BABAM2: variants seen among roughly 807,000 people sequenced by gnomAD.
BABAM2 encodes the protein BRISC and BRCA1-A complex member 2.
A neutral mutation model predicts 54.7 loss-of-function variants in BABAM2; 31 were observed. The ratio of observed to expected loss-of-function variants is 0.57; its 90% confidence interval spans 0.43 to 0.77. BABAM2 has a LOEUF of 0.77. Among genes scored for constraint, BABAM2 ranks in the 30% least tolerant of loss-of-function variants. The pLI, the probability that BABAM2 is intolerant of heterozygous loss-of-function variation, is 0.00. For synonymous variants in BABAM2, 167 were observed against 162.9 expected, an observed-to-expected ratio of 1.03 and a Z score of -0.19; for missense variants, 364 against 455.8, an observed-to-expected ratio of 0.80 and a Z score of 1.83.
chr2:28,012,912 C>T (rs1256371017), intron 4 of BABAM2, among the ~76,000 whole-genome samples: 1 of 152,146 alleles, frequency 6.6e-6, no homozygotes, highest in Non-Finnish European at 1.5e-5. Flanking sequence ...CCACTTCTCT[C>T]CCACCTTTGT....
At chr2:28,236,403 G>A (rs952994253) in intron 7 of BABAM2, among the ~76,000 whole-genome samples, 1 of 140,832 alleles carries the variant, frequency 7.1e-6, no homozygotes, top group African/African-American at 2.7e-5. Flanking sequence ...TCACTGTATC[G>A]CCCGTGCTGG....
chr2:28,019,943 G>A (rs1045684462), intron 4 of BABAM2, among the ~76,000 whole-genome samples: 4 of 152,070 alleles, frequency 2.6e-5, no homozygotes, highest in South Asian at 2.1e-4. Context: ...CTCCAGATTT[G>A]TTCTTTTTGC....
intron 4 of BABAM2, among the ~76,000 whole-genome samples, chr2:28,009,258 G>C (rs1474185111): frequency 1.3e-5 from 2 of 152,086 alleles, no homozygotes; most frequent in East Asian, 3.9e-4. Flanking sequence ...ATCTGATACT[G>C]TGTCTTTTTA....
chr2:28,104,316 A>T (rs1255775956), intron 6 of BABAM2, among the ~76,000 whole-genome samples: 11 of 152,230 alleles, frequency 7.2e-5, no homozygotes. Flanking sequence ...TAATATCCAG[A>T]ATCTACAAAG....
intron 11 of BABAM2, among the ~76,000 whole-genome samples, chr2:28,333,657 C>T (rs1691161402): frequency 6.6e-6 from 1 of 152,220 alleles, no homozygotes; most frequent in South Asian, 2.1e-4. Flanking sequence ...GGGACTGAAC[C>T]TCATTTTGCC....
chr2:28,069,388 A>G (rs932843327), intron 6 of BABAM2, among the ~76,000 whole-genome samples: 1 of 152,238 alleles, frequency 6.6e-6, no homozygotes, highest in Non-Finnish European at 1.5e-5. Context: ...TTTACAGGCC[A>G]TACCCTATCT....
At chr2:28,195,703 A>T (rs1034135921) in intron 7 of BABAM2, among the ~76,000 whole-genome samples, 3 of 152,358 alleles carry the variant, frequency 2.0e-5, no homozygotes, top group South Asian at 2.1e-4. Flanking sequence ...GCCTGTCTTT[A>T]TAAAAGTGAC....
chr2:28,260,635 C>A (rs1480733294), intron 10 of BABAM2, among the ~76,000 whole-genome samples: 1 of 152,088 alleles, frequency 6.6e-6, no homozygotes, highest in African/African-American at 2.4e-5. Flanking sequence ...ATCATTTAGT[C>A]TTTTACATCC....
In BABAM2 at chr2:28,122,564, G is replaced by A. The variant is rs183711474; in HGVS notation, c.571-6707G>A. On this transcript the variant is annotated intron_variant, in intron 6 of 11. Coordinates refer to ENST00000379624, the MANE Select transcript of BABAM2 (RefSeq NM_199191.3). ...TGAGAAATACAATGGCTTTTTTACC[G>A]TCCTGTTACGTGACCTGTGATTTGC... Among the ~76,000 whole-genome samples the A allele has an allele frequency of 9.2e-5, 14 of 152,206 alleles. 1 individual carries two copies. The South Asian group carries it at 2.1e-3, about 23-fold the overall frequency.
intron 7 of BABAM2, among the ~76,000 whole-genome samples, chr2:28,236,055 C>T (rs1440471136): frequency 6.6e-6 from 1 of 151,996 alleles, no homozygotes; most frequent in African/African-American, 2.4e-5. Context: ...GGATAATAAT[C>T]CAACATTATA....
At chr2:27,931,337 A>T (rs1171723053) in intron 3 of BABAM2, among the ~76,000 whole-genome samples, 1 of 152,214 alleles carries the variant, frequency 6.6e-6, no homozygotes, top group African/African-American at 2.4e-5. Context: ...CTTCTCTCCC[A>T]GTCCAGTTTC....
chr2:28,225,290 G>T (rs1680783625), intron 7 of BABAM2, among the ~76,000 whole-genome samples: 1 of 152,172 alleles, frequency 6.6e-6, no homozygotes, highest in Admixed American at 6.5e-5. Flanking sequence ...TAACAAGGGT[G>T]GGCGCCAGGG....
At chr2:28,135,806 T>G (rs1446936671) in intron 7 of BABAM2, among the ~76,000 whole-genome samples, 1 of 152,126 alleles carries the variant, frequency 6.6e-6, no homozygotes, top group African/African-American at 2.4e-5. Flanking sequence ...TGTCTCTGAG[T>G]CTTGTCATGC....
At chr2:28,205,335 A>G (rs1678725891) in intron 7 of BABAM2, among the ~76,000 whole-genome samples, 1 of 151,996 alleles carries the variant, frequency 6.6e-6, no homozygotes, top group African/African-American at 2.4e-5. Context: ...CCCCGTCTCT[A>G]CTAAAAATAC....
At chr2:28,151,370 C>T (rs908993818) in intron 7 of BABAM2, among the ~76,000 whole-genome samples, 5 of 152,174 alleles carry the variant, frequency 3.3e-5, no homozygotes, top group South Asian at 2.1e-4. Flanking sequence ...GTCAGGAGTT[C>T]GAGAGCAGCC....
At chr2:27,948,669 G>A (rs1334727279) in intron 3 of BABAM2, among the ~76,000 whole-genome samples, 1 of 152,186 alleles carries the variant, frequency 6.6e-6, no homozygotes, top group East Asian at 1.9e-4. Context: ...TACTTGGGAG[G>A]CTGAGGCAGG....
At chr2:28,191,287 T>C (rs1477443693) in intron 7 of BABAM2, among the ~76,000 whole-genome samples, 2 of 152,220 alleles carry the variant, frequency 1.3e-5, no homozygotes, top group Non-Finnish European at 2.9e-5. Flanking sequence ...ACTGGAACTT[T>C]TATGGAAATA....
chr2:28,004,142 A>C (rs1313536979), intron 4 of BABAM2, among the ~76,000 whole-genome samples: 1 of 151,728 alleles, frequency 6.6e-6, no homozygotes, highest in Admixed American at 6.6e-5. Flanking sequence ...AAAAAAAAAA[A>C]AAACACTTAG....
intron 10 of BABAM2, among the ~76,000 whole-genome samples, chr2:28,280,759 A>C (rs1162065823): frequency 6.6e-6 from 1 of 152,196 alleles, no homozygotes; most frequent in Non-Finnish European, 1.5e-5. Flanking sequence ...TTGAACGTGT[A>C]ATGAACCAAA....
Sources: allele counts gnomAD v4.1 joint callset (sites outside exome capture counted in the v4.1 genomes callset), GRCh38; gene constraint gnomAD v4.1.1; transcripts MANE v1.5; gene names NCBI Gene and HGNC (gene_info 2026-07-23, HGNC 2026-07-21).